FREM3: variants seen among roughly 807,000 people sequenced by gnomAD.
The protein encoded by FREM3 is FRAS1-related extracellular matrix protein 3.
A neutral mutation model predicts 129.1 loss-of-function variants in FREM3; 105 were observed. The ratio of observed to expected loss-of-function variants is 0.81; its 90% CI spans 0.69 to 0.96. The LOEUF is 0.96. Ranked by LOEUF, FREM3 falls within the 40% of genes least tolerant of loss-of-function variation. The pLI is 0.00. For missense variants in FREM3, 2,593 were observed against 2,666.3 expected (o/e 0.97, Z 0.61); for synonymous variants, 1,014 against 1,044.9 (o/e 0.97, Z 0.57).
intron 2 of FREM3, among the ~76,000 whole-genome samples, chr4:143,676,344 C>A (rs1398220194): frequency 6.6e-6 from 1 of 152,198 alleles, no homozygotes; most frequent in South Asian, 2.1e-4. Flanking sequence ...TTCAACAACC[C>A]TTCATGCTAA....
rs775828695 is a variant in FREM3, at chr4:143,697,837, G to C, written c.2839C>G (p.Leu947Val). Residue 947 changes from leucine to valine, a missense_variant, in exon 1 of 8, where the codon CTC (leucine) becomes GTC (valine). Transcript: ENST00000329798. The part of the protein sequence containing the change: ...NVANRSPRIS[L>V]RSSSLLDVSI... ...ACATCCAATAATGAACTACTTCTGA[G>C]AGAGATCCTAGGACTTCTGTTAGCC... 2.8e-5 allele frequency: 43 copies of C among 1,537,594 alleles called. No homozygotes were observed. The South Asian group carries it at 5.0e-4, about 18-fold the overall frequency.
At chr4:143,616,210 C>T (rs1284129722) in intron 5 of FREM3, among the ~76,000 whole-genome samples, 1 of 152,098 alleles carries the variant, frequency 6.6e-6, no homozygotes, top group Non-Finnish European at 1.5e-5. Context: ...TTACTACCAA[C>T]CTAGAATTTC....
At chr4:143,578,915 T>C (rs994590164) in intron 7 of FREM3, among the ~76,000 whole-genome samples, 3 of 152,174 alleles carry the variant, frequency 2.0e-5, no homozygotes, top group Admixed American at 1.3e-4. Context: ...CTGGTGAAAT[T>C]TGAATGAGGT....
chr4:143,591,107 C>T (rs1384766800), intron 6 of FREM3, among the ~76,000 whole-genome samples: 14 of 151,992 alleles, frequency 9.2e-5, no homozygotes, highest in East Asian at 1.9e-4. Context: ...TTTTTTATTG[C>T]GTCTATTTGA....
chr4:143,699,115 T>A lies in FREM3; in HGVS notation c.1561A>T (p.Met521Leu). The A allele has an allele frequency of 4.6e-6, 7 of 1,537,400 alleles. No homozygotes were observed. Among genetic ancestry groups the A allele is most frequent in the Non-Finnish European group, 5.2e-6 (6 of 1,146,974 alleles). The part of the protein sequence containing the change: ...NTYSDNIIFR[M>L]EDGHHQVDFL... ...TCCACTTGGTGGTGCCCGTCCTCCATCCGGAAGATGATATTGTCACTGTAG... is the reference window on the plus strand; with the variant it reads ...TCCACTTGGTGGTGCCCGTCCTCCAACCGGAAGATGATATTGTCACTGTAG... Residue 521 changes from methionine (M) to leucine (L), a missense_variant, in exon 1 of 8, where the codon ATG becomes TTG. Transcript: ENST00000329798. This position sits in a 1 kb window ranked among gnomAD's most constrained non-coding sequence, Gnocchi z 4.2.
At position 143,697,857 on chromosome 4, in the gene FREM3, T is replaced by G. The variant is rs567825277; in HGVS notation, c.2819A>C (p.Asn940Thr). 3.3e-5 allele frequency: 50 copies of G among 1,537,824 alleles called. No individual in the cohort carries two copies. The Admixed American group carries it at 7.8e-4, about 24-fold the overall frequency. ...TCTGAGAGAGATCCTAGGACTTCTGTTAGCCACATTGGGATGCACAGAAAT... is the reference window on the plus strand; with the variant it reads ...TCTGAGAGAGATCCTAGGACTTCTGGTAGCCACATTGGGATGCACAGAAAT... ...IPISVHPNVA[N>T]RSPRISLRSS... The change falls in exon 1 of 8, where the codon AAC (asparagine) becomes ACC (threonine). Residue 940 changes from asparagine (N) to threonine (T), a missense_variant. Asn to Thr is a moderately conservative substitution (Grantham distance 65). Coordinates refer to ENST00000329798, the MANE Select transcript of FREM3 (RefSeq NM_001168235.2).
At chr4:143,603,804 G>A (rs959933187) in intron 6 of FREM3, among the ~76,000 whole-genome samples, 2 of 152,018 alleles carry the variant, frequency 1.3e-5, no homozygotes, top group African/African-American at 4.8e-5. Flanking sequence ...AACTCATGCC[G>A]AGCAGCCATA....
intron 2 of FREM3, among the ~76,000 whole-genome samples, chr4:143,629,442 T>C (rs1739100345): frequency 6.6e-6 from 1 of 152,160 alleles, no homozygotes. Flanking sequence ...CATATGTTGA[T>C]TTTCATGTTT....
chr4:143,635,455 C>CT (rs1338773113), intron 2 of FREM3, among the ~76,000 whole-genome samples: 4 of 152,138 alleles, frequency 2.6e-5, no homozygotes, highest in African/African-American at 9.7e-5. Flanking sequence ...GTGATGGTAG[C>CT]CCTGTGCATT....
chr4:143,686,829 T>C (rs777274725), intron 2 of FREM3, among the ~76,000 whole-genome samples: 3 of 152,064 alleles, frequency 2.0e-5, no homozygotes, highest in Non-Finnish European at 4.4e-5. Flanking sequence ...GCAAAAGTGG[T>C]GCTAAGAGAA....
chr4:143,594,696 A>G (rs1322251708), intron 6 of FREM3, among the ~76,000 whole-genome samples: 2 of 152,206 alleles, frequency 1.3e-5, no homozygotes, highest in Non-Finnish European at 2.9e-5. Context: ...TCAGAACTCA[A>G]GCCTCTGAAT....
rs146926492 is a variant in FREM3 at position 143,685,727 on chromosome 4, A to T, written c.5275+7386T>A. Among the ~76,000 whole-genome samples, 865 of 152,288 alleles carry T rather than the reference A, an allele frequency of 5.7e-3. 3 individuals are homozygous for T. Among genetic ancestry groups the T allele is most frequent in the Non-Finnish European group, 9.9e-3 (673 of 68,010 alleles). On this transcript the variant is annotated intron_variant, in intron 2 of 7. Transcript: ENST00000329798. The stretch of plus-strand genomic sequence containing the variant: ...AAATGCTCCACTTAAAAGATACAGA[A>T]CCAGCTTCATCCATGTCCAAACTAA...
chr4:143,650,731 A>G (rs1307234151), intron 2 of FREM3, among the ~76,000 whole-genome samples: 1 of 152,196 alleles, frequency 6.6e-6, no homozygotes, highest in African/African-American at 2.4e-5. Context: ...GCCTTAAGCT[A>G]TCCTCCTCAC....
intron 6 of FREM3, among the ~76,000 whole-genome samples, chr4:143,592,904 A>C (rs968485009): frequency 6.6e-6 from 1 of 152,122 alleles, no homozygotes; most frequent in South Asian, 2.1e-4. Flanking sequence ...GTCTTTTCAC[A>C]TAGTCCCATA....
chr4:143,686,186 G>C (rs1740360677), intron 2 of FREM3, among the ~76,000 whole-genome samples: 2 of 152,068 alleles, frequency 1.3e-5, no homozygotes, highest in Admixed American at 1.3e-4. Flanking sequence ...TCTTATATGA[G>C]ACAAAACAAA....
intron 2 of FREM3, among the ~76,000 whole-genome samples, chr4:143,672,272 C>T (rs528771771): frequency 2.0e-5 from 3 of 152,280 alleles, no homozygotes; most frequent in Admixed American, 1.3e-4. Context: ...AGAATGCCAA[C>T]AACTCAGTTT....
At chr4:143,652,021 C>T (rs1409691354) in intron 2 of FREM3, among the ~76,000 whole-genome samples, 3 of 152,104 alleles carry the variant, frequency 2.0e-5, no homozygotes, top group Non-Finnish European at 4.4e-5. Context: ...CTGTGTATAA[C>T]ATCTTACCAT....
Position 143,698,750 on chromosome 4 carries a change from C to T in FREM3, c.1926G>A (p.Val642=), listed in dbSNP as rs1195662417. Reference sequence around the variant, plus strand: ...TTATGTCTCTCTGTAGCCACTCAGTCACCACTTTCTCATAAAGCCCTTCCT... The same window carrying T: ...TTATGTCTCTCTGTAGCCACTCAGTTACCACTTTCTCATAAAGCCCTTCCT... ...MEKEGLYEKV[V]TEWLQRDIME... The change falls in exon 1 of 8, where the codon GTG becomes GTA. Residue 642 remains valine, a synonymous_variant. Transcript: ENST00000329798. 11 of 1,537,480 alleles carry T rather than the reference C, an allele frequency of 7.2e-6. No individual in the cohort carries two copies. Among genetic ancestry groups the T allele is most frequent in the Non-Finnish European group, 8.7e-6 (10 of 1,146,988 alleles).
intron 2 of FREM3, among the ~76,000 whole-genome samples, chr4:143,639,888 C>T (rs973502986): frequency 3.3e-5 from 5 of 152,050 alleles, no homozygotes; most frequent in Non-Finnish European, 7.4e-5. Context: ...GTAACTGTGC[C>T]TTTCTTGAGG....
Sources: allele counts gnomAD v4.1 joint callset (sites outside exome capture counted in the v4.1 genomes callset), GRCh38; gene constraint gnomAD v4.1.1; non-coding constraint Gnocchi (gnomAD v3.1); transcripts MANE v1.5; gene names NCBI Gene and HGNC (gene_info 2026-07-23, HGNC 2026-07-21).